SPEF2: variants seen among roughly 807,000 people sequenced by gnomAD.
The protein encoded by SPEF2 is sperm flagella and cilia-associated protein 2.
A neutral mutation model predicts 224.6 loss-of-function variants in SPEF2; 187 were observed. The ratio of observed to expected loss-of-function variants is 0.83; its 90% CI spans 0.74 to 0.94. SPEF2 has a LOEUF of 0.94. SPEF2 is among the 40% of genes least tolerant of loss of function. SPEF2 has a pLI of 0.00. For missense variants in SPEF2, 2,170 were observed against 2,135.6 expected, an observed-to-expected ratio of 1.02 and a Z score of -0.32; for synonymous variants, 715 against 707.3, an observed-to-expected ratio of 1.01 and a Z score of -0.17.
At chr5:35,736,210 A>C (rs189768608) in intron 21 of SPEF2, among the ~76,000 whole-genome samples, 1 of 152,228 alleles carries the variant, frequency 6.6e-6, no homozygotes, top group Non-Finnish European at 1.5e-5. Context: ...ATTATTTATT[A>C]AATAAAATGG....
intron 8 of SPEF2, among the ~76,000 whole-genome samples, chr5:35,662,854 C>T (rs6880969): frequency 0.026 from 3,921 of 151,962 alleles, 186 homozygotes; most frequent in African/African-American, 0.09. Flanking sequence ...TCAGGTAGTG[C>T]GATGCTTCCA....
At chr5:35,686,557 C>T (rs1312205097) in intron 10 of SPEF2, among the ~76,000 whole-genome samples, 1 of 151,968 alleles carries the variant, frequency 6.6e-6, no homozygotes, top group African/African-American at 2.4e-5. Context: ...ATTGTTATGA[C>T]AGAACTATTA....
intron 17 of SPEF2, among the ~76,000 whole-genome samples, chr5:35,705,265 G>T (rs1487236551): frequency 6.6e-6 from 1 of 151,978 alleles, no homozygotes; most frequent in Admixed American, 6.6e-5. Context: ...CTTACTCAAA[G>T]ATCTCTTCAA....
At chr5:35,724,731 ATT>A (rs1263006792) in intron 20 of SPEF2, among the ~76,000 whole-genome samples, 2 of 152,280 alleles carry the variant, frequency 1.3e-5, no homozygotes, top group Non-Finnish European at 2.9e-5. Flanking sequence ...TCATGTGGCT[ATT>A]ATAAAGAATA....
In SPEF2 at chr5:35,670,052, G is replaced by A; in HGVS notation, c.1356-7G>A. 5 of 1,573,400 alleles carry A rather than the reference G, an allele frequency of 3.2e-6. No homozygotes were observed. Among genetic ancestry groups the A allele is most frequent in the Non-Finnish European group, 4.3e-6 (5 of 1,166,042 alleles). ...TGATTCATCTCTACCTTTTTTTTGT[G>A]CGATAGTCTGATTCCGTATAAGTTG... On this transcript the variant is annotated splice_region_variant and splice_polypyrimidine_tract_variant and intron_variant, in intron 9 of 36. Coordinates refer to ENST00000356031, the MANE Select transcript of SPEF2 (RefSeq NM_024867.4).
chr5:35,733,562 AGAGAT>A (rs1339651490), intron 21 of SPEF2, among the ~76,000 whole-genome samples: 1 of 152,212 alleles, frequency 6.6e-6, no homozygotes, highest in African/African-American at 2.4e-5. Context: ...TCTCAGTCTG[AGAGAT>A]TGTCTCAGTG....
intron 7 of SPEF2, among the ~76,000 whole-genome samples, chr5:35,658,818 C>A (rs893440863): frequency 1.3e-5 from 2 of 152,072 alleles, no homozygotes; most frequent in African/African-American, 4.8e-5. Context: ...GTTGCAAAGC[C>A]ATAATGTTTC....
At chr5:35,668,044 T>G (rs1266220291) in intron 9 of SPEF2, among the ~76,000 whole-genome samples, 2 of 152,132 alleles carry the variant, frequency 1.3e-5, no homozygotes, top group African/African-American at 4.8e-5. Context: ...AGAAAACCAC[T>G]ATTCATTACT....
chr5:35,747,058 A>G (rs919663512), intron 23 of SPEF2, among the ~76,000 whole-genome samples: 17 of 152,200 alleles, frequency 1.1e-4, no homozygotes, highest in African/African-American at 3.6e-4. Context: ...AGAATTTTCT[A>G]TCAAGCAAAA....
chr5:35,738,615 G>T lies in SPEF2; in HGVS notation c.3064-1304G>T, dbSNP rs112726455. 4.0e-3 allele frequency among the ~76,000 whole-genome samples: 592 copies of T among 149,754 alleles called. 10 individuals are homozygous for T. Among genetic ancestry groups the T allele is most frequent in the African/African-American group, 0.014 (567 of 40,778 alleles). On this transcript the variant is annotated intron_variant, in intron 21 of 36. Coordinates refer to ENST00000356031, the MANE Select transcript of SPEF2 (RefSeq NM_024867.4). ...ATTGAAAGCTTTGCTCTTGTCTGCC[G>T]CTAATCTGGGCACAATGGTTTTGAC...
chr5:35,706,119 AT>A (rs1739713654), intron 18 of SPEF2, among the ~76,000 whole-genome samples: 1 of 151,772 alleles, frequency 6.6e-6, no homozygotes, highest in Non-Finnish European at 1.5e-5. Flanking sequence ...TTCTCTGGAT[AT>A]TTGTAATCTT....
At chr5:35,688,489 G>C (rs1323701395) in intron 10 of SPEF2, among the ~76,000 whole-genome samples, 5 of 152,034 alleles carry the variant, frequency 3.3e-5, no homozygotes, top group African/African-American at 1.2e-4. Context: ...AGTTTTATCA[G>C]CTGTTTCACT....
chr5:35,632,266 T>A (rs892858973), intron 2 of SPEF2, among the ~76,000 whole-genome samples: 2 of 152,214 alleles, frequency 1.3e-5, no homozygotes, highest in Non-Finnish European at 2.9e-5. Context: ...GACTTATACT[T>A]CCACATTGCT....
rs1741441252 is a variant in SPEF2 at position 35,712,821 on chromosome 5, A to G, written c.2849A>G (p.His950Arg). Reference sequence around the variant, plus strand: ...GTCGAATTTTGTTTAGAAGCCCCGCATGGTAAGCAAGAATCTCTTCAGGAA... The same window carrying G: ...GTCGAATTTTGTTTAGAAGCCCCGCGTGGTAAGCAAGAATCTCTTCAGGAA... ...AKGKPQSEAP[H>R]GKQESLQEGK... The change falls in exon 20 of 37, where the codon CAT becomes CGT. Residue 950 changes from histidine (H) to arginine (R), a missense_variant. His to Arg is a conservative substitution (Grantham distance 29). Transcript: ENST00000356031. 6 of 1,613,902 alleles carry G rather than the reference A, an allele frequency of 3.7e-6. No homozygotes were observed. The highest frequency in any genetic ancestry group is 3.4e-6 in the Non-Finnish European group (4 of 1,179,926).
At position 35,670,191 on chromosome 5, in the gene SPEF2, G is replaced by C. The variant is rs1561168651; in HGVS notation, c.1488G>C (p.Arg496Ser). The change falls in exon 10 of 37, where the codon AGG becomes AGC. Residue 496 changes from arginine (R) to serine (S), a missense_variant. Transcript: ENST00000356031. ...AACAACTTACAGAACTGGAGAAAAG[G>C]GACTTGCTAGATACCAATGATTATG... ...SREQLTELEK[R>S]DLLDTNDYEE... 6 of 1,611,188 alleles carry C rather than the reference G, an allele frequency of 3.7e-6. No individual in the cohort carries two copies. Among genetic ancestry groups the C allele is most frequent in the Non-Finnish European group, 5.1e-6 (6 of 1,178,372 alleles).
chr5:35,649,346 G>T lies in SPEF2; in HGVS notation c.727-15G>T. Reference sequence around the variant, plus strand: ...TTTTTAGAGGCAGAGAACTGATGATGAATTTTCTTTAAAGGATGTGGCTGA... The same window carrying T: ...TTTTTAGAGGCAGAGAACTGATGATTAATTTTCTTTAAAGGATGTGGCTGA... On this transcript the variant is annotated splice_polypyrimidine_tract_variant and intron_variant, in intron 5 of 36. Coordinates refer to ENST00000356031, the MANE Select transcript of SPEF2 (RefSeq NM_024867.4). 6.2e-7 allele frequency: 1 copy of T among 1,602,674 alleles called. No individual in the cohort carries two copies. The highest frequency in any genetic ancestry group is 1.1e-5 in the South Asian group (1 of 88,546).
At chr5:35,712,174 G>A (rs1317363535) in intron 19 of SPEF2, among the ~76,000 whole-genome samples, 1 of 152,078 alleles carries the variant, frequency 6.6e-6, no homozygotes, top group Non-Finnish European at 1.5e-5. Flanking sequence ...AAGTTCAAGG[G>A]TGCAACATAT....
intron 9 of SPEF2, 29 bp downstream of exon 9, chr5:35,667,288 A>G: frequency 6.5e-7 from 1 of 1,530,040 alleles, no homozygotes; most frequent in Non-Finnish European, 8.9e-7. Flanking sequence ...ATAACAGTAG[A>G]GACACGATAG....
intron 20 of SPEF2, among the ~76,000 whole-genome samples, chr5:35,720,308 T>C (rs1364569750): frequency 1.3e-5 from 2 of 152,126 alleles, no homozygotes; most frequent in African/African-American, 4.8e-5. Context: ...AAAATAAGGA[T>C]CAGCAATATT....
Sources: allele counts gnomAD v4.1 joint callset (sites outside exome capture counted in the v4.1 genomes callset), GRCh38; gene constraint gnomAD v4.1.1; transcripts MANE v1.5; gene names NCBI Gene and HGNC (gene_info 2026-07-23, HGNC 2026-07-21).